Variants in AGTPBP1 observed in about 807,000 individuals in gnomAD.
AGTPBP1 encodes the protein cytosolic carboxypeptidase 1.
A neutral mutation model predicts 143.9 loss-of-function variants in AGTPBP1; 70 were observed. The observed-to-expected ratio is 0.49, with a 90% confidence interval of 0.40 to 0.59. The LOEUF is 0.59. AGTPBP1 is among the 20% of genes least tolerant of loss of function. The pLI is 0.00. For missense variants in AGTPBP1, 1,229 were observed against 1,464.5 expected (o/e 0.84, Z 2.62); for synonymous variants, 463 against 500.2 (o/e 0.93, Z 0.99).
At chr9:85,550,071 G>A (rs1212332080) in intron 25 of AGTPBP1, among the ~76,000 whole-genome samples, 2 of 152,152 alleles carry the variant, frequency 1.3e-5, no homozygotes, top group Admixed American at 1.3e-4. Context: ...TCGAGCTATT[G>A]TGATGGGCCC....
At chr9:85,717,666 G>A (rs911357374) in intron 1 of AGTPBP1, among the ~76,000 whole-genome samples, 1 of 151,392 alleles carries the variant, frequency 6.6e-6, no homozygotes, top group Non-Finnish European at 1.5e-5. Flanking sequence ...TCATGAATGG[G>A]ATGAGTATCC....
chr9:85,639,354 TGC>T, intron 13 of AGTPBP1, among the ~76,000 whole-genome samples: 1 of 130,530 alleles, frequency 7.7e-6, no homozygotes, highest in South Asian at 2.7e-4. Context: ...CACACACCCA[TGC>T]GCGCGCACGC....
intron 6 of AGTPBP1, among the ~76,000 whole-genome samples, chr9:85,673,425 T>C (rs911484561): frequency 1.2e-4 from 19 of 152,170 alleles, no homozygotes; most frequent in Admixed American, 6.5e-5. Flanking sequence ...TATTCTTTTC[T>C]GACTTGTAAA....
the AGTPBP1 span, among the ~76,000 whole-genome samples, chr9:85,763,875 G>A: frequency 6.6e-6 from 1 of 151,944 alleles, no homozygotes; most frequent in Admixed American, 6.6e-5. Flanking sequence ...TAAACCTCAT[G>A]GTAGTATATA....
At chr9:85,698,817 C>G (rs542538878) in intron 2 of AGTPBP1, among the ~76,000 whole-genome samples, 30 of 151,060 alleles carry the variant, frequency 2.0e-4, no homozygotes, top group African/African-American at 7.1e-4. Flanking sequence ...CTCAGCCTCC[C>G]GAGTAGCTGG....
intron 3 of AGTPBP1, among the ~76,000 whole-genome samples, chr9:85,689,628 C>T (rs1343016237): frequency 6.6e-6 from 1 of 152,018 alleles, no homozygotes; most frequent in African/African-American, 2.4e-5. Flanking sequence ...GGCACAGTGG[C>T]TCACGCCTGT....
At chr9:85,709,471 A>G (rs998879271) in intron 2 of AGTPBP1, among the ~76,000 whole-genome samples, 18 of 152,192 alleles carry the variant, frequency 1.2e-4, no homozygotes, top group African/African-American at 4.3e-4. Context: ...TCATCCTCCA[A>G]TGTCATTCAG....
chr9:85,762,922 C>G, the AGTPBP1 span, among the ~76,000 whole-genome samples: 1,752 of 150,548 alleles, frequency 0.012, 37 homozygotes, highest in African/African-American at 0.04. Flanking sequence ...GTACCCAAAA[C>G]ATATCACTGT....
chr9:85,656,605 A>T (rs1478727019), intron 10 of AGTPBP1, among the ~76,000 whole-genome samples: 1 of 144,368 alleles, frequency 6.9e-6, no homozygotes, highest in Non-Finnish European at 1.6e-5. Context: ...TAGCTTTCTT[A>T]AAAAAAAAAG....
At chr9:85,639,864 C>T (rs1052849582) in intron 13 of AGTPBP1, among the ~76,000 whole-genome samples, 19 of 152,172 alleles carry the variant, frequency 1.2e-4, no homozygotes, top group Admixed American at 6.5e-4. Context: ...ATGGTGAGGT[C>T]ACTTCACAAA....
At chr9:85,641,439 C>A (rs1327887367) in intron 13 of AGTPBP1, among the ~76,000 whole-genome samples, 1 of 152,082 alleles carries the variant, frequency 6.6e-6, no homozygotes, top group Admixed American at 6.6e-5. Flanking sequence ...TTCTCAAATG[C>A]CTCTTCCTGT....
chr9:85,736,864 T>C (rs1472089696), intron 1 of AGTPBP1, among the ~76,000 whole-genome samples: 5 of 152,184 alleles, frequency 3.3e-5, no homozygotes, highest in African/African-American at 1.2e-4. Flanking sequence ...CCCAGTACTT[T>C]GGGAGGCGGA....
chr9:85,712,246 G>A (rs62570594), intron 2 of AGTPBP1, among the ~76,000 whole-genome samples: 2,257 of 152,046 alleles, frequency 0.015, 23 homozygotes, highest in Middle Eastern at 0.037. Flanking sequence ...CCTGGGCAAC[G>A]AGAGTGAAAT....
At chr9:85,740,283 G>T (rs985456524) in intron 1 of AGTPBP1, among the ~76,000 whole-genome samples, 12 of 152,154 alleles carry the variant, frequency 7.9e-5, no homozygotes, top group Non-Finnish European at 1.6e-4. Flanking sequence ...GTAATTATGT[G>T]ATTAATCAAT....
intron 1 of AGTPBP1, among the ~76,000 whole-genome samples, chr9:85,718,560 T>C (rs1384455406): frequency 1.3e-5 from 2 of 152,238 alleles, no homozygotes; most frequent in African/African-American, 2.4e-5. Context: ...TTGTAGATTC[T>C]GAATATTAGC....
chr9:85,653,203 G>C (rs1251915994), intron 11 of AGTPBP1, among the ~76,000 whole-genome samples: 1 of 148,674 alleles, frequency 6.7e-6, no homozygotes, highest in African/African-American at 2.5e-5. Context: ...TCAGGAGTTC[G>C]AGACCAGCCT....
Position 85,677,597 on chromosome 9 carries a change from A to G in AGTPBP1, c.290-15T>C, listed in dbSNP as rs1834913919. 1 of 1,524,964 alleles carries G rather than the reference A, an allele frequency of 6.6e-7. No individual in the cohort carries two copies. The highest frequency in any genetic ancestry group is 8.7e-7 in the Non-Finnish European group (1 of 1,144,034). 94.5% of individuals were successfully genotyped at this position (1,524,964 alleles called of 1,614,324 possible). On this transcript the variant is annotated splice_polypyrimidine_tract_variant and intron_variant, in intron 5 of 25. Coordinates refer to ENST00000357081, the MANE Select transcript of AGTPBP1 (RefSeq NM_001330701.2). ...TCGACCTCCACCTAAAAATTAAAAA[A>G]AAAAAAAATTTAAACAACAAATTAA...
intron 1 of AGTPBP1, 125 bp from the exon 2 acceptor site, chr9:85,712,691 A>G: frequency 2.4e-6 from 1 of 424,800 alleles, no homozygotes. Flanking sequence ...GGAAACAAAA[A>G]GAGAACATTT....
the AGTPBP1 span, among the ~76,000 whole-genome samples, chr9:85,762,855 A>T: frequency 1.5e-3 from 221 of 148,368 alleles, 1 homozygote; most frequent in African/African-American, 4.6e-3. Context: ...GTTTATGTAT[A>T]TAAAGTTTAT....
Sources: gnomAD v4.1 joint callset for allele counts (sites outside exome capture counted in the v4.1 genomes callset) on GRCh38, gnomAD v4.1.1 for gene constraint, MANE v1.5 for transcripts, NCBI Gene and HGNC (gene_info 2026-07-23, HGNC 2026-07-21) for gene names.